Variants in CLYBL observed in about 807,000 individuals in gnomAD.
CLYBL encodes the protein citramalyl-CoA lyase.
In CLYBL, 31 loss-of-function variants were observed where a neutral mutation model predicts 38.9. That is an observed-to-expected ratio of 0.80 (90% confidence interval 0.60 to 1.08). CLYBL has a LOEUF of 1.08. Ranked by LOEUF, CLYBL falls within the 50% of genes least tolerant of loss-of-function variation. The pLI, the probability that CLYBL is intolerant of heterozygous loss-of-function variation, is 0.00. For synonymous variants in CLYBL, 171 were observed against 158.6 expected (o/e 1.08, Z -0.59); for missense variants, 434 against 411.6 (o/e 1.05, Z -0.47).
chr13:99,729,040 A>G (rs1183758050), intron 1 of CLYBL, among the ~76,000 whole-genome samples: 2 of 152,264 alleles, frequency 1.3e-5, no homozygotes, highest in East Asian at 3.9e-4. Context: ...TATGGGAACC[A>G]GAGAAAGCAG....
At chr13:99,811,956 C>T (rs2050350843) in intron 2 of CLYBL, among the ~76,000 whole-genome samples, 1 of 152,154 alleles carries the variant, frequency 6.6e-6, no homozygotes, top group African/African-American at 2.4e-5. Context: ...TTTAATGCCT[C>T]CCATATGAAG....
chr13:99,672,554 G>T (rs985439704), intron 1 of CLYBL, among the ~76,000 whole-genome samples: 1 of 151,570 alleles, frequency 6.6e-6, no homozygotes, highest in Non-Finnish European at 1.5e-5. Context: ...CAAGTGGATC[G>T]CTTGAGCCCA....
chr13:99,765,117 G>C (rs1484786543), intron 1 of CLYBL, among the ~76,000 whole-genome samples: 1 of 147,462 alleles, frequency 6.8e-6, no homozygotes, highest in South Asian at 2.1e-4. Flanking sequence ...AGTGTTTCTT[G>C]TAAGATGGTG....
At chr13:99,852,233 A>G (rs1007392494) in intron 2 of CLYBL, among the ~76,000 whole-genome samples, 12 of 152,150 alleles carry the variant, frequency 7.9e-5, no homozygotes, top group African/African-American at 2.9e-4. Context: ...TCGGGGTGAT[A>G]CATACCTTCT....
rs988518270 is a variant in CLYBL, at chr13:99,790,664, G to T, written c.249+17654G>T. Among the ~76,000 whole-genome samples the T allele has an allele frequency of 3.9e-5, 6 of 152,116 alleles. No homozygotes were observed. In the East Asian group the frequency reaches 7.7e-4, roughly 20 times the overall value. Reference sequence around the variant, plus strand: ...GACTAATTGTCTGAATCTCCCCTTCGCATGTTCAGAAGCATCCAGTATTCT... The same window carrying T: ...GACTAATTGTCTGAATCTCCCCTTCTCATGTTCAGAAGCATCCAGTATTCT... On this transcript the variant is annotated intron_variant, in intron 2 of 8. Transcript: ENST00000339105.
intron 1 of CLYBL, among the ~76,000 whole-genome samples, chr13:99,653,770 A>C (rs2047289122): frequency 6.6e-6 from 1 of 151,920 alleles, no homozygotes; most frequent in South Asian, 2.1e-4. Flanking sequence ...GTTTTGGTTC[A>C]CTTGTTCCTT....
At chr13:99,652,049 G>A (rs1487823094) in intron 1 of CLYBL, among the ~76,000 whole-genome samples, 1 of 152,200 alleles carries the variant, frequency 6.6e-6, no homozygotes, top group Non-Finnish European at 1.5e-5. Context: ...GCAACTGTAG[G>A]CATGCCGACA....
chr13:99,885,388 G>A (rs2052325204), intron 7 of CLYBL, among the ~76,000 whole-genome samples: 2 of 152,150 alleles, frequency 1.3e-5, no homozygotes, highest in African/African-American at 4.8e-5. Flanking sequence ...TGGGGTACAG[G>A]CCTCAGGGGA....
Position 99,810,094 on chromosome 13 carries a change from A to T in CLYBL, c.249+37084A>T, listed in dbSNP as rs577937867. ...TGAAGTCATACTAGCTAGATAAATG[A>T]TTAACTCGGTAACTCATCAAATAAT... is the stretch of plus-strand genomic sequence containing the variant. On this transcript the variant is annotated intron_variant, in intron 2 of 8. Transcript: ENST00000339105. Among the ~76,000 whole-genome samples the T allele has an allele frequency of 3.9e-5, 6 of 152,378 alleles. No individual in the cohort carries two copies. In the South Asian group the frequency reaches 6.2e-4, roughly 16 times the overall value.
At chr13:99,661,101 C>T (rs1326936633) in intron 1 of CLYBL, among the ~76,000 whole-genome samples, 1 of 152,076 alleles carries the variant, frequency 6.6e-6, no homozygotes, top group Non-Finnish European at 1.5e-5. Flanking sequence ...CACATTTACA[C>T]CGAAAAATTC....
chr13:99,759,158 T>C (rs974105665), intron 1 of CLYBL, among the ~76,000 whole-genome samples: 3 of 152,228 alleles, frequency 2.0e-5, no homozygotes, highest in Non-Finnish European at 2.9e-5. Flanking sequence ...AGGTCACCCA[T>C]TGGTGCTTAC....
At chr13:99,665,431 T>C (rs954174914) in intron 1 of CLYBL, among the ~76,000 whole-genome samples, 32 of 152,026 alleles carry the variant, frequency 2.1e-4, no homozygotes, top group African/African-American at 7.7e-4. Context: ...AATACTTTGG[T>C]TGAGGCAGCA....
chr13:99,838,201 A>G (rs1160025267), intron 2 of CLYBL, among the ~76,000 whole-genome samples: 1 of 152,226 alleles, frequency 6.6e-6, no homozygotes, highest in Non-Finnish European at 1.5e-5. Flanking sequence ...TTTATATTTA[A>G]AACTAAGGGA....
chr13:99,856,362 T>C (rs2051458782), intron 2 of CLYBL, among the ~76,000 whole-genome samples: 2 of 152,204 alleles, frequency 1.3e-5, no homozygotes, highest in South Asian at 4.1e-4. Context: ...AGGATGGAGA[T>C]GATGACTCAA....
At chr13:99,806,803 C>T (rs576324528) in intron 2 of CLYBL, among the ~76,000 whole-genome samples, 7 of 152,314 alleles carry the variant, frequency 4.6e-5, no homozygotes, top group African/African-American at 1.7e-4. Context: ...TACCTCTTAC[C>T]CTTGGGTAGT....
intron 1 of CLYBL, among the ~76,000 whole-genome samples, chr13:99,633,001 G>GA (rs71215535): frequency 0.48 from 72,986 of 151,786 alleles, 17,715 homozygotes; most frequent in East Asian, 0.71. Context: ...AACACTTTGG[G>GA]GGCCCAGGTG....
chr13:99,761,531 TACAC>T (rs199693033), intron 1 of CLYBL, among the ~76,000 whole-genome samples: 3 of 152,198 alleles, frequency 2.0e-5, no homozygotes, highest in Admixed American at 2.0e-4. Flanking sequence ...TGGCAAATTT[TACAC>T]ACACACATTC....
intron 1 of CLYBL, among the ~76,000 whole-genome samples, chr13:99,635,276 T>G (rs1372549335): frequency 1.3e-5 from 2 of 152,048 alleles, no homozygotes; most frequent in African/African-American, 4.8e-5. Context: ...GCCGCCTTTC[T>G]CTGTCATGAT....
intron 2 of CLYBL, among the ~76,000 whole-genome samples, chr13:99,795,668 C>A (rs2050007438): frequency 6.6e-6 from 1 of 151,982 alleles, no homozygotes; most frequent in Non-Finnish European, 1.5e-5. Flanking sequence ...ACACAAAAAA[C>A]AAAAACTCTC....
Sources: gnomAD v4.1 joint callset for allele counts (sites outside exome capture counted in the v4.1 genomes callset) on GRCh38, gnomAD v4.1.1 for gene constraint, MANE v1.5 for transcripts, NCBI Gene and HGNC (gene_info 2026-07-23, HGNC 2026-07-21) for gene names.